TEPSIN: variants seen among roughly 807,000 people sequenced by gnomAD.
The protein encoded by TEPSIN is AP-4 complex accessory subunit tepsin.
Under a neutral mutation model 48.5 loss-of-function variants are expected in TEPSIN, and 50 were observed. That is an observed-to-expected ratio of 1.03 (90% CI 0.82 to 1.31). The LOEUF is 1.31. Ranked by LOEUF, TEPSIN falls within the 50% of genes most tolerant of loss-of-function variation. TEPSIN has a pLI of 0.00. For missense variants in TEPSIN, 838 were observed against 815.9 expected, an observed-to-expected ratio of 1.03 and a Z score of -0.33; for synonymous variants, 392 against 358.8, an observed-to-expected ratio of 1.09 and a Z score of -1.05.
Position 81,230,343 on chromosome 17 carries a change from T to G in TEPSIN, c.1233+201A>C. On this transcript the variant is annotated intron_variant, in intron 12 of 12. Coordinates refer to ENST00000637944, the MANE Select transcript of TEPSIN (RefSeq NM_001363764.2). This position sits in a 1 kb window ranked among gnomAD's most constrained non-coding sequence, Gnocchi z 4.2. ...CAGTGTACTGTGAGTGCTGCAGAGT[T>G]TGGGTGGAAGGCGGGAAGGCAATGG... 1 of 644,616 alleles carries G rather than the reference T, an allele frequency of 1.6e-6. No homozygotes were observed. Among genetic ancestry groups the G allele is most frequent in the Non-Finnish European group, 2.6e-6 (1 of 384,728 alleles). The allele number at this position is 644,616 out of a possible 1,614,324, so 39.9% of individuals were successfully genotyped here.
chr17:81,237,690 C>G (rs2062749562), intron 1 of TEPSIN: 1 of 592,402 alleles, frequency 1.7e-6, no homozygotes, highest in African/African-American at 1.9e-5. Flanking sequence ...AATGGTGGTT[C>G]TCCACGGAGG....
chr17:81,232,186 C>G, intron 8 of TEPSIN, 129 bp downstream of exon 8: 1 of 1,316,358 alleles, frequency 7.6e-7, no homozygotes, highest in Non-Finnish European at 1.0e-6. Context: ...TGGGCATGTG[C>G]TTCCGCCGCG....
chr17:81,230,739 C>G lies in TEPSIN; in HGVS notation c.1099-61G>C, dbSNP rs2062578361. Reference sequence around the variant, plus strand: ...GGCAGCAGGTCCACGCCAGGGAGGCCTATTTGGCCATCTCTCTCCCTCTTC... The same window carrying G: ...GGCAGCAGGTCCACGCCAGGGAGGCGTATTTGGCCATCTCTCTCCCTCTTC... On this transcript the variant is annotated intron_variant, in intron 11 of 12. Transcript: ENST00000637944. This position sits in a 1 kb window ranked among gnomAD's most constrained non-coding sequence, Gnocchi z 4.2. 2.1e-6 allele frequency: 3 copies of G among 1,461,342 alleles called. No individual in the cohort carries two copies. In the African/African-American group the frequency reaches 4.3e-5, roughly 21 times the overall value. The allele number at this position is 1,461,342 out of a possible 1,614,324, so 90.5% of individuals were successfully genotyped here.
chr17:81,237,544 G>A, intron 1 of TEPSIN, 85 bp from the exon 2 acceptor site: 2 of 1,353,866 alleles, frequency 1.5e-6, no homozygotes, highest in South Asian at 1.4e-5. Context: ...GGATGGAAAC[G>A]ACCCACCTCT....
intron 11 of TEPSIN, 57 bp downstream of exon 11, chr17:81,231,341 A>AGT (rs1555620570): frequency 6.8e-7 from 1 of 1,460,118 alleles, no homozygotes; most frequent in Admixed American, 2.1e-5. Flanking sequence ...ACACGCACAC[A>AGT]CACGCACACA....
Position 81,231,404 on chromosome 17 carries a change from C to T in TEPSIN, c.1092G>A (p.Thr364=), listed in dbSNP as rs774595191. 18 of 1,550,852 alleles carry T rather than the reference C, an allele frequency of 1.2e-5. No homozygotes were observed. The highest frequency in any genetic ancestry group is 1.4e-5 in the African/African-American group (1 of 73,310). The change falls in exon 11 of 13, where the codon ACG becomes ACA. Residue 364 remains threonine, a synonymous_variant. Coordinates refer to ENST00000637944, the MANE Select transcript of TEPSIN (RefSeq NM_001363764.2). ...GCCCGCGTGTGCAGCTCACCAGCTG[C>T]GTGCATTCACTGGTCCCACGCAGGT... ...TCHLRGTSEC[T]QLRALCAIAS... is the part of the protein sequence containing the mutation.
At chr17:81,235,189 C>T (rs1213421756) in intron 4 of TEPSIN, among the ~76,000 whole-genome samples, 1 of 152,250 alleles carries the variant, frequency 6.6e-6, no homozygotes, top group African/African-American at 2.4e-5. Context: ...CATCCTAAAA[C>T]CAACATTCAG....
intron 11 of TEPSIN, 149 bp downstream of exon 11, chr17:81,231,249 A>C: frequency 1.3e-6 from 1 of 788,752 alleles, no homozygotes; most frequent in Non-Finnish European, 2.0e-6. Flanking sequence ...ACACGCACAC[A>C]CACAGGCATG....
rs569254612 is a variant in TEPSIN, at chr17:81,231,782, C to T, written c.905+65G>A. The T allele has an allele frequency of 1.6e-4, 255 of 1,605,836 alleles. No individual in the cohort carries two copies. The African/African-American group carries it at 2.6e-3, about 16-fold the overall frequency. On this transcript the variant is annotated intron_variant, in intron 9 of 12. Transcript: ENST00000637944. ...GGGAGAACCTGGAGAGCAGGAGCCG[C>T]GCTGGGAGGGGGACAGTGTGGTGCC...
Position 81,229,290 on chromosome 17 carries a change from G to A in TEPSIN, c.1420C>T (p.Pro474Ser), listed in dbSNP as rs935411640. Residue 474 changes from proline (P) to serine (S), a missense_variant, in exon 13 of 13, where the codon CCC (proline) becomes TCC (serine). Coordinates refer to ENST00000637944, the MANE Select transcript of TEPSIN (RefSeq NM_001363764.2). ...GGGCTGGACGGCATCCCAGATGAGG[G>A]AGCAGGGCTCCGGGACGAGACCGGG... is the stretch of plus-strand genomic sequence containing the variant. Reference protein sequence around the residue: ...STPVSSRSPAPSSGMPSSPVP... With the variant: ...STPVSSRSPASSSGMPSSPVP... 42 of 1,576,722 alleles carry A rather than the reference G, an allele frequency of 2.7e-5. No homozygotes were observed. Among genetic ancestry groups the A allele is most frequent in the Non-Finnish European group, 3.5e-5 (41 of 1,161,296 alleles).
rs373237602 is a variant in TEPSIN, at chr17:81,236,695, G to A, written c.307+13C>T. On this transcript the variant is annotated intron_variant, in intron 4 of 12. Transcript: ENST00000637944. Reference sequence around the variant, plus strand: ...GCCCTGGCTCTTCCTGAGCGCGTGCGCGGCCCCTGTACCTGCAGCTTCCTG... The same window carrying A: ...GCCCTGGCTCTTCCTGAGCGCGTGCACGGCCCCTGTACCTGCAGCTTCCTG... The A allele has an allele frequency of 1.6e-5, 25 of 1,553,768 alleles. No individual in the cohort carries two copies. The highest frequency in any genetic ancestry group is 1.7e-4 in the Middle Eastern group (1 of 5,992).
At position 81,229,304 on chromosome 17, in the gene TEPSIN, G is replaced by A; in HGVS notation, c.1406C>T (p.Ser469Phe). The A allele has an allele frequency of 2.5e-6, 4 of 1,572,978 alleles. No homozygotes were observed. Among genetic ancestry groups the A allele is most frequent in the Non-Finnish European group, 3.5e-6 (4 of 1,159,160 alleles). ...CCCAGATGAGGGAGCAGGGCTCCGG[G>A]ACGAGACCGGGGTTGAACTCAGAGG... ...LQPLSSTPVS[S>F]RSPAPSSGMP... Residue 469 changes from serine to phenylalanine, a missense_variant, in exon 13 of 13, where the codon TCC (serine) becomes TTC (phenylalanine). By Grantham distance (155) the Ser-to-Phe change is radical. Transcript: ENST00000637944.
rs751228027 is a variant in TEPSIN at position 81,233,479 on chromosome 17, T to G, written c.479A>C (p.His160Pro). 3 of 1,608,232 alleles carry G rather than the reference T, an allele frequency of 1.9e-6. No individual in the cohort carries two copies. The highest frequency in any genetic ancestry group is 2.5e-6 in the Non-Finnish European group (3 of 1,177,524). Residue 160 changes from histidine (H) to proline (P), a missense_variant, in exon 7 of 13, where the codon CAC becomes CCC. Transcript: ENST00000637944. This position sits in a 1 kb window ranked among gnomAD's most constrained non-coding sequence, Gnocchi z 5.8. The stretch of plus-strand genomic sequence containing the variant: ...GTAGCCGAAACCCTGGAGGGTGCTG[T>G]GCGGCCTGGCCTGGGAGCCCATGCC... ...ATGMGSQARP[H>P]STLQGFGYSK...
In TEPSIN at chr17:81,231,618, C is replaced by G. The variant is rs1256381921; in HGVS notation, c.979G>C (p.Ala327Pro). The change falls in exon 10 of 13, where the codon GCC becomes CCC. Residue 327 changes from alanine (A) to proline (P), a missense_variant. Physicochemically the swap from Ala to Pro is conservative, Grantham distance 27. Coordinates refer to ENST00000637944, the MANE Select transcript of TEPSIN (RefSeq NM_001363764.2). ...LVRTVTRGPR[A>P]FLSREEAQHF... is the part of the protein sequence containing the mutation. Reference sequence around the variant, plus strand: ...TGTGCCTCCTCGCGGCTCAGGAAGGCGCGTGGTCCCCGAGTCACAGTCCTC... The same window carrying G: ...TGTGCCTCCTCGCGGCTCAGGAAGGGGCGTGGTCCCCGAGTCACAGTCCTC... 5.0e-6 allele frequency: 8 copies of G among 1,613,036 alleles called. No homozygotes were observed. The highest frequency in any genetic ancestry group is 6.8e-6 in the Non-Finnish European group (8 of 1,179,764).
At chr17:81,237,731 A>G in intron 1 of TEPSIN, 3 of 537,558 alleles carry the variant, frequency 5.6e-6, no homozygotes, top group Non-Finnish European at 6.5e-6. Flanking sequence ...GAAGGGACAC[A>G]GCCCCCAGCC....
chr17:81,231,605 C>A lies in TEPSIN; in HGVS notation c.992G>T (p.Arg331Leu), dbSNP rs138308977. The change falls in exon 10 of 13, where the codon CGC becomes CTC. Residue 331 changes from arginine to leucine, a missense_variant. By Grantham distance (102) the Arg-to-Leu change is moderately radical. Coordinates refer to ENST00000637944, the MANE Select transcript of TEPSIN (RefSeq NM_001363764.2). ...TTTGATGAAGTGCTGTGCCTCCTCGCGGCTCAGGAAGGCGCGTGGTCCCCG... is the reference window on the plus strand; with the variant it reads ...TTTGATGAAGTGCTGTGCCTCCTCGAGGCTCAGGAAGGCGCGTGGTCCCCG... ...VTRGPRAFLS[R>L]EEAQHFIKAC... is the part of the protein sequence containing the mutation. 38 of 1,613,008 alleles carry A rather than the reference C, an allele frequency of 2.4e-5. No individual in the cohort carries two copies. In the African/African-American group the frequency reaches 2.5e-4, roughly 11 times the overall value.
At position 81,233,846 on chromosome 17, in the gene TEPSIN, T is replaced by C; in HGVS notation, c.376-130A>G. Reference sequence around the variant, plus strand: ...GCCACTCAGCTGGACACAGGCTCTGTGTCCACCAGCAAGGAGCAGAGGCAG... The same window carrying C: ...GCCACTCAGCTGGACACAGGCTCTGCGTCCACCAGCAAGGAGCAGAGGCAG... On this transcript the variant is annotated intron_variant, in intron 5 of 12. Transcript: ENST00000637944. The surrounding 1 kb of genome is among the most constrained non-coding windows in gnomAD (Gnocchi z 5.8). 1.5e-6 allele frequency: 2 copies of C among 1,364,884 alleles called. No individual in the cohort carries two copies. The highest frequency in any genetic ancestry group is 2.0e-6 in the Non-Finnish European group (2 of 1,011,974). The allele number at this position is 1,364,884 out of a possible 1,614,324, so 84.5% of individuals were successfully genotyped here. A position where few individuals can be genotyped will look rare whatever the true frequency, so the allele number is the denominator to read the frequency against.
intron 4 of TEPSIN, among the ~76,000 whole-genome samples, chr17:81,235,688 G>A (rs1338023095): frequency 6.6e-6 from 1 of 152,166 alleles, no homozygotes; most frequent in African/African-American, 2.4e-5. Flanking sequence ...GGAGCCCGGG[G>A]CCCTCTGGCC....
rs1026631543 is a variant in TEPSIN at position 81,234,951 on chromosome 17, G to C, written c.308-903C>G. Among the ~76,000 whole-genome samples the C allele has an allele frequency of 9.9e-5, 15 of 152,072 alleles. No individual in the cohort carries two copies. The highest frequency in any genetic ancestry group is 1.8e-4 in the Non-Finnish European group (12 of 68,032). ...TCAGCCTAATGGCTAAGGTCAGCAC[G>C]ACCATGAACCACAAATAACATCTCC... is the stretch of plus-strand genomic sequence containing the variant. On this transcript the variant is annotated intron_variant, in intron 4 of 12. Transcript: ENST00000637944. The surrounding 1 kb of genome is among the most constrained non-coding windows in gnomAD (Gnocchi z 5.4).
Sources: allele counts gnomAD v4.1 joint callset (sites outside exome capture counted in the v4.1 genomes callset), GRCh38; gene constraint gnomAD v4.1.1; non-coding constraint Gnocchi (gnomAD v3.1); transcripts MANE v1.5; gene names NCBI Gene and HGNC (gene_info 2026-07-23, HGNC 2026-07-21).